The following SGTA variants were observed in gnomAD, a reference collection of about 807,000 sequenced individuals.
The protein encoded by SGTA is small glutamine-rich tetratricopeptide repeat-containing protein alpha.
A neutral mutation model predicts 44.3 loss-of-function variants in SGTA; 22 were observed. The ratio of observed to expected loss-of-function variants is 0.50; its 90% CI spans 0.36 to 0.71. SGTA has a LOEUF of 0.71. Among genes scored for constraint, SGTA ranks in the 30% least tolerant of loss-of-function variants. SGTA has a pLI of 0.00. For synonymous variants in SGTA, 174 were observed against 177.6 expected (o/e 0.98, Z 0.16); for missense variants, 341 against 435.9 (o/e 0.78, Z 1.94).
chr19:2,776,916 T>C (rs990776048), intron 1 of SGTA, among the ~76,000 whole-genome samples: 2 of 151,056 alleles, frequency 1.3e-5, no homozygotes, highest in Admixed American at 1.3e-4. Context: ...TGAGCTGCGA[T>C]AGAGCCACTG....
At chr19:2,766,851 C>T (rs1452429127) in intron 4 of SGTA, among the ~76,000 whole-genome samples, 2 of 151,966 alleles carry the variant, frequency 1.3e-5, no homozygotes, top group African/African-American at 2.4e-5. Context: ...CGGCGGGTCT[C>T]ATGGAAGCTG....
chr19:2,774,366 G>C (rs746813021), intron 1 of SGTA, among the ~76,000 whole-genome samples: 2 of 152,190 alleles, frequency 1.3e-5, no homozygotes, highest in African/African-American at 2.4e-5. Context: ...GTGGCCGAGG[G>C]ACACGGAGGG....
intron 1 of SGTA, among the ~76,000 whole-genome samples, chr19:2,779,045 C>T (rs1237846927): frequency 6.6e-6 from 1 of 152,054 alleles, no homozygotes; most frequent in Non-Finnish European, 1.5e-5. Flanking sequence ...ACCCCTGGCT[C>T]CCCCCACTGC....
In SGTA at chr19:2,767,508, G is replaced by C; in HGVS notation, c.207+72C>G. 7.8e-7 allele frequency: 1 copy of C among 1,274,298 alleles called. No individual in the cohort carries two copies. Among genetic ancestry groups the C allele is most frequent in the Non-Finnish European group, 1.1e-6 (1 of 880,830 alleles). The allele number at this position is 1,274,298 out of a possible 1,614,324, so 78.9% of individuals were successfully genotyped here. ...GGGGGACGATGAGAGCGGGGCTCCTGGGGTCCCCAGGGCTGCCTGCTGTTG... is the reference window on the plus strand; with the variant it reads ...GGGGGACGATGAGAGCGGGGCTCCTCGGGTCCCCAGGGCTGCCTGCTGTTG... On this transcript the variant is annotated intron_variant, in intron 3 of 11. Coordinates refer to ENST00000221566, the MANE Select transcript of SGTA (RefSeq NM_003021.4). The surrounding 1 kb of genome is among the most constrained non-coding windows in gnomAD (Gnocchi z 7.3).
At chr19:2,774,003 C>T (rs13347119) in intron 1 of SGTA, among the ~76,000 whole-genome samples, 7,411 of 136,342 alleles carry the variant, frequency 0.054, 999 homozygotes, top group African/African-American at 0.19. Flanking sequence ...AGATGGGTGA[C>T]GCGGCCACAC....
chr19:2,759,429 G>A, intron 8 of SGTA, 135 bp from the exon 9 acceptor site: 1 of 778,450 alleles, frequency 1.3e-6, no homozygotes, highest in Non-Finnish European at 2.2e-6. Context: ...CGGGCATTCG[G>A]TCTTTCATAC....
intron 9 of SGTA, among the ~76,000 whole-genome samples, chr19:2,758,299 C>T (rs1256500416): frequency 2.0e-5 from 3 of 152,104 alleles, no homozygotes; most frequent in African/African-American, 7.2e-5. Context: ...GAGGCTGAGG[C>T]GGGTGGATCA....
chr19:2,782,039 A>C (rs1168752694), intron 1 of SGTA, among the ~76,000 whole-genome samples: 1 of 152,126 alleles, frequency 6.6e-6, no homozygotes, highest in Non-Finnish European at 1.5e-5. Flanking sequence ...ACGGGGTTTC[A>C]CCACGTTGGC....
chr19:2,765,203 G>A lies in SGTA; in HGVS notation c.375C>T (p.Ala125=), dbSNP rs776862700. 9.3e-6 allele frequency: 15 copies of A among 1,613,836 alleles called. No homozygotes were observed. The highest frequency in any genetic ancestry group is 1.3e-5 in the African/African-American group (1 of 74,920). Residue 125 remains alanine, a synonymous_variant, in exon 5 of 12, where the codon GCC becomes GCT. Transcript: ENST00000221566. This position sits in a 1 kb window ranked among gnomAD's most constrained non-coding sequence, Gnocchi z 5.5. ...GCTGGTACCTGTTGCAGAAATAGAC[G>A]GCGTTGGCTGGGTTGAGCTCGATGG... ...GKAIELNPAN[A]VYFCNRAAAY...
rs922181935 is a variant in SGTA at position 2,755,431 on chromosome 19, C to T, written c.*509G>A. 1.6e-5 allele frequency: 16 copies of T among 987,596 alleles called. 1 individual carries two copies. Among genetic ancestry groups the T allele is most frequent in the Middle Eastern group, 5.7e-4 (2 of 3,536 alleles). 61.2% of individuals were successfully genotyped at this position (987,596 alleles called of 1,614,324 possible). On this transcript the variant is annotated 3_prime_UTR_variant, in exon 12 of 12. Coordinates refer to ENST00000221566, the MANE Select transcript of SGTA (RefSeq NM_003021.4). This position sits in a 1 kb window ranked among gnomAD's most constrained non-coding sequence, Gnocchi z 5.2. ...CACACATGGCCCGCGGTGCCCAGGC[C>T]GCAGCTGGCAGTGAGCTCTTCCGAG... is the stretch of plus-strand genomic sequence containing the variant.
chr19:2,757,841 G>A, intron 9 of SGTA, 59 bp from the exon 10 acceptor site: 2 of 1,168,538 alleles, frequency 1.7e-6, no homozygotes, highest in Non-Finnish European at 2.4e-6. Flanking sequence ...CCCCACTGCA[G>A]GCCCTCGCAG....
chr19:2,781,956 C>T (rs1915586050), intron 1 of SGTA, among the ~76,000 whole-genome samples: 1 of 151,992 alleles, frequency 6.6e-6, no homozygotes, highest in South Asian at 2.1e-4. Flanking sequence ...ATTCTCCTGC[C>T]TCAGCCTCCT....
intron 11 of SGTA, among the ~76,000 whole-genome samples, 168 bp downstream of exon 11, chr19:2,757,169 C>T (rs934965524): frequency 6.6e-6 from 1 of 152,176 alleles, no homozygotes; most frequent in Non-Finnish European, 1.5e-5. Flanking sequence ...CCTGCCTGGG[C>T]GGTTCAGGGT....
In SGTA at chr19:2,765,620, G is replaced by A. The variant is rs1454610171; in HGVS notation, c.293-335C>T. ...AGTTAATACAGCTCACCGGCCCGGG[G>A]ACGGAAACTGTCCCTTTCGCTATTG... On this transcript the variant is annotated intron_variant, in intron 4 of 11. Transcript: ENST00000221566. The surrounding 1 kb of genome is among the most constrained non-coding windows in gnomAD (Gnocchi z 5.5). Among the ~76,000 whole-genome samples, 8 of 152,232 alleles carry A rather than the reference G, an allele frequency of 5.3e-5. No homozygotes were observed. Among genetic ancestry groups the A allele is most frequent in the African/African-American group, 1.9e-4 (8 of 41,454 alleles).
Position 2,773,972 on chromosome 19 carries a change from G to A in SGTA, c.-23-4881C>T, listed in dbSNP as rs55941726. On this transcript the variant is annotated intron_variant, in intron 1 of 11. Transcript: ENST00000221566. ...GGCAGAGATGGGTGACGCGGCCACA[G>A]GGCAGGGACACCGAGGGCAGAGATG... Among the ~76,000 whole-genome samples the A allele has an allele frequency of 2.6e-4, 12 of 46,150 alleles. 2 individuals are homozygous for A. The highest frequency in any genetic ancestry group is 2.4e-3 in the African/African-American group (11 of 4,540). The allele number at this position is 46,150 out of a possible 152,430, so 30.3% of individuals were successfully genotyped here.
chr19:2,760,473 ACACCACTGCACTC>A (rs1344269669), intron 8 of SGTA, among the ~76,000 whole-genome samples: 2 of 144,342 alleles, frequency 1.4e-5, no homozygotes, highest in Non-Finnish European at 3.0e-5. Flanking sequence ...AGCTGAGATC[ACACCACTGCACTC>A]CAACCTGGGC....
chr19:2,757,238 G>T (rs1180489597), intron 11 of SGTA, 99 bp downstream of exon 11: 11 of 1,418,948 alleles, frequency 7.8e-6, no homozygotes, highest in Non-Finnish European at 1.0e-5. Flanking sequence ...AGGCTCCACA[G>T]CCCCCGGGCG....
chr19:2,760,284 C>T (rs143633753), intron 8 of SGTA, among the ~76,000 whole-genome samples: 3,908 of 151,692 alleles, frequency 0.026, 157 homozygotes, highest in African/African-American at 0.088. Context: ...TTTGGGGGGC[C>T]GAGGCGGGTG....
At position 2,765,521 on chromosome 19, in the gene SGTA, C is replaced by T. The variant is rs1041047268; in HGVS notation, c.293-236G>A. 2.6e-5 allele frequency among the ~76,000 whole-genome samples: 4 copies of T among 152,100 alleles called. No individual in the cohort carries two copies. The highest frequency in any genetic ancestry group is 3.9e-4 in the East Asian group (2 of 5,178). On this transcript the variant is annotated intron_variant, in intron 4 of 11. Transcript: ENST00000221566. The surrounding 1 kb of genome is among the most constrained non-coding windows in gnomAD (Gnocchi z 5.5). Reference sequence around the variant, plus strand: ...CCACTAAGGGGGATGGAGGTGGGGGCGGCAGGGCCTGGCCTGGCCTGTGCC... The same window carrying T: ...CCACTAAGGGGGATGGAGGTGGGGGTGGCAGGGCCTGGCCTGGCCTGTGCC...
Sources: gnomAD v4.1 joint callset for allele counts (sites outside exome capture counted in the v4.1 genomes callset) on GRCh38, gnomAD v4.1.1 for gene constraint, Gnocchi (gnomAD v3.1) non-coding constraint, MANE v1.5 for transcripts, NCBI Gene and HGNC (gene_info 2026-07-23, HGNC 2026-07-21) for gene names.